AOX1: variants seen among roughly 807,000 people sequenced by gnomAD.
AOX1 encodes aldehyde oxidase 1.
AOX1 carries 153 observed loss-of-function variants against 169.5 expected under a neutral mutation model. That is an observed-to-expected ratio of 0.90 (90% confidence interval 0.79 to 1.03). The LOEUF (loss-of-function observed/expected upper bound fraction) is 1.03. Among genes scored for constraint, AOX1 ranks in the 50% least tolerant of loss-of-function variants. The pLI is 0.00. For synonymous variants in AOX1, 562 were observed against 581.9 expected (o/e 0.97, Z 0.49); for missense variants, 1,656 against 1,663.9 (o/e 1.00, Z 0.08).
chr2:200,638,363 G>T (rs568449066), intron 23 of AOX1, 61 bp downstream of exon 23: 3 of 1,462,306 alleles, frequency 2.1e-6, no homozygotes, highest in Non-Finnish European at 2.9e-6. Flanking sequence ...CTATCAGTGC[G>T]CAGGGCAGTC....
chr2:200,595,209 G>A lies in AOX1; in HGVS notation c.104-63G>A, dbSNP rs1007776513. ...GTCTGTGATATTACTGTCTCCTAGT[G>A]GCAGGGCTATTCTAGAAAGAGAATT... On this transcript the variant is annotated intron_variant, in intron 2 of 34. Coordinates refer to ENST00000374700, the MANE Select transcript of AOX1 (RefSeq NM_001159.4). 2.0e-4 allele frequency: 252 copies of A among 1,250,968 alleles called. No homozygotes were observed. The highest frequency in any genetic ancestry group is 3.3e-5 in the Non-Finnish European group (29 of 870,592). The allele number at this position is 1,250,968 out of a possible 1,614,324, so 77.5% of individuals were successfully genotyped here. A position where few individuals can be genotyped will look rare whatever the true frequency, so the allele number is the denominator to read the frequency against.
intron 20 of AOX1, among the ~76,000 whole-genome samples, chr2:200,629,956 G>A (rs992138504): frequency 1.3e-5 from 2 of 152,088 alleles, no homozygotes; most frequent in Non-Finnish European, 2.9e-5. Flanking sequence ...CTACTTTTCA[G>A]TATAAACGCC....
In AOX1 at chr2:200,666,740, T is replaced by G. The variant is rs1350499083; in HGVS notation, c.3597T>G (p.Ile1199Met). 1 of 1,611,132 alleles carries G rather than the reference T, an allele frequency of 6.2e-7. No individual in the cohort carries two copies. Among genetic ancestry groups the G allele is most frequent in the Admixed American group, 1.7e-5 (1 of 59,144 alleles). Residue 1199 changes from isoleucine (I) to methionine (M), a missense_variant, in exon 32 of 35, where the codon ATT becomes ATG. Transcript: ENST00000374700. ...TTGGCTGCAGTATAAATCCAGCCAT[T>G]GACATAGGCCAGGTACGTGTAACTG... ...MDVGCSINPAIDIGQIEGAFI... is the reference protein window; with the variant it reads ...MDVGCSINPAMDIGQIEGAFI...
At chr2:200,621,972 G>A (rs1490511395) in intron 18 of AOX1, among the ~76,000 whole-genome samples, 10 of 152,118 alleles carry the variant, frequency 6.6e-5, no homozygotes, top group East Asian at 3.9e-4. Context: ...GGCTGGTCTC[G>A]AACTCCTTAC....
chr2:200,653,587 G>T (rs566565819), intron 26 of AOX1, among the ~76,000 whole-genome samples: 1 of 152,206 alleles, frequency 6.6e-6, no homozygotes, highest in African/African-American at 2.4e-5. Context: ...CTTCAGCACC[G>T]CCTTCATCGT....
chr2:200,664,720 A>G (rs1211524909), intron 31 of AOX1, among the ~76,000 whole-genome samples: 3 of 152,230 alleles, frequency 2.0e-5, no homozygotes, highest in African/African-American at 7.2e-5. Flanking sequence ...GCCCTCCCCA[A>G]AGGCCTGTTT....
downstream of AOX1, among the ~76,000 whole-genome samples, chr2:200,677,290 A>T (rs2036113046): frequency 6.6e-6 from 1 of 152,188 alleles, no homozygotes. Flanking sequence ...TCTGTAATGC[A>T]TGTAAAGGTG....
At chr2:200,611,285 C>A in intron 12 of AOX1, 99 bp from the exon 13 acceptor site, 1 of 805,746 alleles carries the variant, frequency 1.2e-6, no homozygotes, top group Non-Finnish European at 2.1e-6. Context: ...CCCTGAACAA[C>A]CGGTTTCCTC....
intron 1 of AOX1, among the ~76,000 whole-genome samples, chr2:200,588,002 G>A (rs906286581): frequency 2.0e-4 from 31 of 152,164 alleles, no homozygotes; most frequent in African/African-American, 7.0e-4. Flanking sequence ...AAGTCCTTGC[G>A]TGCATGGAGC....
At chr2:200,656,660 T>C (rs2287012) in intron 26 of AOX1, among the ~76,000 whole-genome samples, 182 bp from the exon 27 acceptor site, 61,911 of 151,932 alleles carry the variant, frequency 0.41, 13,668 homozygotes, top group East Asian at 0.74. Flanking sequence ...CTTTACTTTG[T>C]ATTTTAAAAT....
At chr2:200,611,701 TA>T (rs1443055705) in intron 13 of AOX1, among the ~76,000 whole-genome samples, 1 of 129,278 alleles carries the variant, frequency 7.7e-6, no homozygotes, top group Non-Finnish European at 1.6e-5. Flanking sequence ...TTCCTCGAAT[TA>T]GGAGATTTTT....
chr2:200,667,431 TC>T (rs1173205134), intron 32 of AOX1, among the ~76,000 whole-genome samples: 4 of 151,744 alleles, frequency 2.6e-5, no homozygotes, highest in Non-Finnish European at 5.9e-5. Flanking sequence ...TAGGGCACCA[TC>T]TTGTGTCCCC....
intron 28 of AOX1, among the ~76,000 whole-genome samples, 193 bp from the exon 29 acceptor site, chr2:200,659,784 TCTCACACACACACACACA>T (rs2035780430): frequency 1.3e-5 from 1 of 79,578 alleles, no homozygotes; most frequent in African/African-American, 4.1e-5. Flanking sequence ...CAGTTCTCTC[TCTCACACACACACACACA>T]CACACACACA....
At position 200,604,028 on chromosome 2, in the gene AOX1, A is replaced by G. The variant is rs2034466340; in HGVS notation, c.600A>G (p.Lys200=). 1.2e-6 allele frequency: 2 copies of G among 1,611,298 alleles called. No homozygotes were observed. Among genetic ancestry groups the G allele is most frequent in the East Asian group, 4.5e-5 (2 of 44,848 alleles). ...TGTTCTCTTTTTAGACAAGTCCAAA[A>G]CTCTTCGCAGAAGAGGAGTTTCTGC... is the stretch of plus-strand genomic sequence containing the variant. ...EFEEGSKTSP[K]LFAEEEFLPL... is the part of the protein sequence containing the mutation. The change falls in exon 8 of 35, where the codon AAA becomes AAG. Residue 200 remains lysine (K), a synonymous_variant. Transcript: ENST00000374700.
intron 20 of AOX1, 129 bp downstream of exon 20, chr2:200,627,578 G>A (rs545628086): frequency 4.6e-6 from 3 of 648,558 alleles, no homozygotes; most frequent in East Asian, 5.5e-5. Context: ...GGCAGAACAG[G>A]CACCTCATTC....
intron 20 of AOX1, among the ~76,000 whole-genome samples, chr2:200,632,389 A>G (rs1432374957): frequency 1.3e-5 from 2 of 151,444 alleles, no homozygotes; most frequent in African/African-American, 2.4e-5. Flanking sequence ...TCAACATTTT[A>G]CAAGTTCAAG....
At chr2:200,612,163 A>C (rs779887067) in intron 13 of AOX1, among the ~76,000 whole-genome samples, 1 of 152,204 alleles carries the variant, frequency 6.6e-6, no homozygotes, top group Non-Finnish European at 1.5e-5. Flanking sequence ...ATACATTTGC[A>C]ATAGAACTTA....
chr2:200,641,675 A>T (rs561057938), intron 24 of AOX1, among the ~76,000 whole-genome samples: 1 of 152,102 alleles, frequency 6.6e-6, no homozygotes, highest in African/African-American at 2.4e-5. Flanking sequence ...CTGCAGGTAC[A>T]TGCCACCATG....
chr2:200,607,826 A>G (rs769148223), intron 10 of AOX1, among the ~76,000 whole-genome samples: 9 of 152,334 alleles, frequency 5.9e-5, no homozygotes, highest in Non-Finnish European at 8.8e-5. Flanking sequence ...AGGGACATGG[A>G]TGAAGCTGGA....
Sources: gnomAD v4.1 joint callset for allele counts (sites outside exome capture counted in the v4.1 genomes callset) on GRCh38, gnomAD v4.1.1 for gene constraint, MANE v1.5 for transcripts, NCBI Gene and HGNC (gene_info 2026-07-23, HGNC 2026-07-21) for gene names.